Variants in SLC7A7 observed in about 807,000 individuals in gnomAD.
SLC7A7 encodes the protein solute carrier family 7 member 7, also known as Y+L amino acid transporter 1.
Under a neutral mutation model 47.9 loss-of-function variants are expected in SLC7A7, and 39 were observed. The ratio of observed to expected loss-of-function variants is 0.81; its 90% CI spans 0.63 to 1.06. The LOEUF is 1.06. SLC7A7 is among the 50% of genes least tolerant of loss of function. The probability of loss-of-function intolerance (pLI) is 0.00; values close to 1 mark genes in which losing one functional copy is unlikely to be tolerated. For synonymous variants in SLC7A7, 234 were observed against 242.8 expected (o/e 0.96, Z 0.34); for missense variants, 588 against 632.0 (o/e 0.93, Z 0.75).
chr14:22,788,092 T>C (rs1390738213), intron 2 of SLC7A7, among the ~76,000 whole-genome samples: 1 of 151,998 alleles, frequency 6.6e-6, no homozygotes, highest in African/African-American at 2.4e-5. Context: ...AAAATTAAAA[T>C]GTTGACTAAG....
chr14:22,775,565 C>A, intron 6 of SLC7A7, 25 bp from the exon 7 acceptor site: 1 of 1,604,480 alleles, frequency 6.2e-7, no homozygotes, highest in South Asian at 1.1e-5. Context: ...ATAGGAGAAG[C>A]TGAGAAAATT....
At chr14:22,786,748 A>C (rs2038824604) in intron 2 of SLC7A7, among the ~76,000 whole-genome samples, 2 of 152,120 alleles carry the variant, frequency 1.3e-5, no homozygotes, top group Admixed American at 1.3e-4. Flanking sequence ...AGCCTGGGCA[A>C]CATTGTGAGA....
Position 22,773,458 on chromosome 14 carries a change from T to C in SLC7A7, c.*152A>G, listed in dbSNP as rs1164836470. On this transcript the variant is annotated 3_prime_UTR_variant, in exon 10 of 10. Transcript: ENST00000674313. The stretch of plus-strand genomic sequence containing the variant: ...TGTAGCAAAACAAATAAATTACTTT[T>C]CATTTCAAAAAGTAAGTTCAAAGGT... 1.4e-6 allele frequency: 1 copy of C among 725,596 alleles called. No homozygotes were observed. Among genetic ancestry groups the C allele is most frequent in the Non-Finnish European group, 2.5e-6 (1 of 395,248 alleles). 44.9% of individuals were successfully genotyped at this position (725,596 alleles called of 1,614,324 possible).
In SLC7A7 at chr14:22,781,379, TTCTC is replaced by T. The variant is rs529135660; in HGVS notation, c.500-1332_500-1329del. Among the ~76,000 whole-genome samples, 150 of 152,142 alleles carry T rather than the reference TTCTC, an allele frequency of 9.9e-4. 1 individual carries two copies. The highest frequency in any genetic ancestry group is 3.1e-3 in the African/African-American group (127 of 41,510). ...GGCCTCTCAGAACAGCTGCCCCATC[TTCTC>T]TCTCTCACCCTCCCTTCCACCACCA... On this transcript the variant is annotated intron_variant, in intron 2 of 9. Coordinates refer to ENST00000674313, the MANE Select transcript of SLC7A7 (RefSeq NM_003982.4).
chr14:22,800,431 C>A (rs1194584063), intron 2 of SLC7A7, among the ~76,000 whole-genome samples: 4 of 152,204 alleles, frequency 2.6e-5, no homozygotes, highest in Non-Finnish European at 5.9e-5. Context: ...CTGTGAATGC[C>A]TCTACCTATA....
chr14:22,774,348 C>T lies in SLC7A7; in HGVS notation c.1245+6G>A, dbSNP rs2139384181. On this transcript the variant is annotated splice_donor_region_variant and intron_variant, in intron 8 of 9. Transcript: ENST00000674313. ...GTGGAGCAGAGGTAGGATGGAGTTGCCTTACCTTGAGGGGACGAGGTCGAT... is the reference window on the plus strand; with the variant it reads ...GTGGAGCAGAGGTAGGATGGAGTTGTCTTACCTTGAGGGGACGAGGTCGAT... 3 of 1,614,078 alleles carry T rather than the reference C, an allele frequency of 1.9e-6. No individual in the cohort carries two copies. The highest frequency in any genetic ancestry group is 2.5e-6 in the Non-Finnish European group (3 of 1,179,998).
At chr14:22,807,852 C>T (rs145295655) in intron 2 of SLC7A7, among the ~76,000 whole-genome samples, 10 of 152,220 alleles carry the variant, frequency 6.6e-5, no homozygotes, top group African/African-American at 2.4e-4. Context: ...AGCTATCCTC[C>T]CCTACAAAAA....
intron 2 of SLC7A7, among the ~76,000 whole-genome samples, chr14:22,803,473 G>A (rs779422726): frequency 9.9e-5 from 15 of 152,170 alleles, no homozygotes; most frequent in Non-Finnish European, 1.6e-4. Flanking sequence ...TTTTAGATAC[G>A]ATAGGTCTCT....
intron 2 of SLC7A7, among the ~76,000 whole-genome samples, chr14:22,795,443 T>TTTCTTTC (rs1227190045): frequency 2.1e-4 from 2 of 9,438 alleles, no homozygotes; most frequent in Non-Finnish European, 1.1e-3. Flanking sequence ...TCTTTCTTTC[T>TTTCTTTC]TTTCTATTCT....
At chr14:22,797,529 A>G (rs1031825250) in intron 2 of SLC7A7, among the ~76,000 whole-genome samples, 7 of 152,200 alleles carry the variant, frequency 4.6e-5, no homozygotes, top group African/African-American at 1.7e-4. Context: ...ATTGACAATT[A>G]CAAGAATCAG....
At chr14:22,801,947 T>G (rs968057823) in intron 2 of SLC7A7, among the ~76,000 whole-genome samples, 6 of 152,184 alleles carry the variant, frequency 3.9e-5, no homozygotes, top group African/African-American at 1.4e-4. Flanking sequence ...ATGTTTAATC[T>G]CCAACCCTAT....
chr14:22,810,187 C>T (rs574311507), intron 2 of SLC7A7, among the ~76,000 whole-genome samples: 52 of 151,782 alleles, frequency 3.4e-4, no homozygotes, highest in Non-Finnish European at 5.9e-4. Context: ...ATTCTAAGGC[C>T]GGGAAGGTGG....
intron 2 of SLC7A7, 109 bp downstream of exon 2, chr14:22,812,791 A>ATATG: frequency 2.7e-6 from 2 of 738,050 alleles, no homozygotes; most frequent in Non-Finnish European, 4.1e-6. Context: ...ATATATATAT[A>ATATG]TGTTGTCAGA....
chr14:22,819,638 C>G (rs79597553), upstream of SLC7A7: 4 of 152,316 alleles, frequency 2.6e-5, no homozygotes, highest in African/African-American at 9.7e-5. Context: ...CACCTCTTAC[C>G]TGTCCAGTGA....
chr14:22,809,494 C>G (rs2039267814), intron 2 of SLC7A7, among the ~76,000 whole-genome samples: 1 of 152,124 alleles, frequency 6.6e-6, no homozygotes, highest in South Asian at 2.1e-4. Flanking sequence ...GCACGCACCA[C>G]CACACCCAGC....
At chr14:22,787,568 T>C (rs1312433350) in intron 2 of SLC7A7, among the ~76,000 whole-genome samples, 1 of 144,752 alleles carries the variant, frequency 6.9e-6, no homozygotes, top group Non-Finnish European at 1.5e-5. Flanking sequence ...CCTGGCAATA[T>C]GGCAAAACCC....
At chr14:22,809,112 T>C (rs987815868) in intron 2 of SLC7A7, among the ~76,000 whole-genome samples, 12 of 152,352 alleles carry the variant, frequency 7.9e-5, no homozygotes, top group Admixed American at 7.2e-4. Flanking sequence ...ACTCTATGCA[T>C]TTTACTCACT....
intron 2 of SLC7A7, 118 bp from the exon 3 acceptor site, chr14:22,780,169 A>G: frequency 2.1e-6 from 3 of 1,405,550 alleles, no homozygotes; most frequent in Non-Finnish European, 3.0e-6. Context: ...CCAAAGACAG[A>G]CCCTCTGACC....
chr14:22,786,890 C>T (rs1594955764), intron 2 of SLC7A7, among the ~76,000 whole-genome samples: 1 of 151,978 alleles, frequency 6.6e-6, no homozygotes, highest in Non-Finnish European at 1.5e-5. Context: ...GAGCTGTGAT[C>T]GCACCACTGC....
Sources: allele counts gnomAD v4.1 joint callset (sites outside exome capture counted in the v4.1 genomes callset), GRCh38; gene constraint gnomAD v4.1.1; transcripts MANE v1.5; gene names NCBI Gene and HGNC (gene_info 2026-07-23, HGNC 2026-07-21).